Variants in SHH observed in about 807,000 individuals in gnomAD.
SHH encodes sonic hedgehog protein.
SHH carries 3 observed loss-of-function variants against 16.6 expected under a neutral mutation model. The ratio of observed to expected loss-of-function variants is 0.18; its 90% CI spans 0.08 to 0.47. SHH has a LOEUF of 0.47. Ranked by LOEUF, SHH falls within the 20% of genes least tolerant of loss-of-function variation. The pLI, the probability that SHH is intolerant of heterozygous loss-of-function variation, is 0.98. For missense variants in SHH, 499 were observed against 665.0 expected, an observed-to-expected ratio of 0.75 and a Z score of 2.75; for synonymous variants, 351 against 316.2, an observed-to-expected ratio of 1.11 and a Z score of -1.17.
chr7:155,803,233 G>T lies in SHH; in HGVS notation c.1056C>A (p.Gly352=). 1 of 1,519,898 alleles carries T rather than the reference G, an allele frequency of 6.6e-7. No individual in the cohort carries two copies. Among genetic ancestry groups the T allele is most frequent in the East Asian group, 2.7e-5 (1 of 36,756 alleles). 94.2% of individuals were successfully genotyped at this position (1,519,898 alleles called of 1,614,324 possible). ...AGAYAPLTAQ[G]TILINRVLAS... Reference sequence around the variant, plus strand: ...CCAGCACCCGGTTGATGAGAATGGTGCCCTGGGCCGTGAGCGGCGCGTAGG... The same window carrying T: ...CCAGCACCCGGTTGATGAGAATGGTTCCCTGGGCCGTGAGCGGCGCGTAGG... The change falls in exon 3 of 3, where the codon GGC becomes GGA. Residue 352 remains glycine, a synonymous_variant. Transcript: ENST00000297261.
chr7:155,803,017 CGGAG>C lies in SHH; in HGVS notation c.1268_1271del (p.Ala423GlyfsTer19). ...GGATGCCCGCGGTGGCCCCCGCACCCGGAGCGTCGGCAGCACCTGGAGCGGTTAG... is the reference window on the plus strand; with the variant it reads ...GGATGCCCGCGGTGGCCCCCGCACCCCGTCGGCAGCACCTGGAGCGGTTAG... On this transcript the variant is annotated frameshift_variant, in exon 3 of 3. Coordinates refer to ENST00000297261, the MANE Select transcript of SHH (RefSeq NM_000193.4). LOFTEE classifies it low-confidence loss of function (END_TRUNC). The C allele has an allele frequency of 6.5e-7, 1 of 1,548,996 alleles. No individual in the cohort carries two copies. The highest frequency in any genetic ancestry group is 8.7e-7 in the Non-Finnish European group (1 of 1,148,954).
chr7:155,806,879 C>T, intron 1 of SHH: 1 of 457,410 alleles, frequency 2.2e-6, no homozygotes. Flanking sequence ...AAGTGACCTG[C>T]ATGTTTAAGA....
chr7:155,810,956 G>GGA (rs1477763163), intron 1 of SHH, among the ~76,000 whole-genome samples: 1 of 152,158 alleles, frequency 6.6e-6, no homozygotes, highest in African/African-American at 2.4e-5. Flanking sequence ...AAGGAGGTGG[G>GGA]GAGAGAGAGA....
At chr7:155,805,451 G>A (rs1233553) in intron 2 of SHH, among the ~76,000 whole-genome samples, 145,055 of 152,322 alleles carry the variant, frequency 0.95, 69,164 homozygotes, top group East Asian at 1. Context: ...AAGTAGGGAA[G>A]CCTGGAAGGG....
At chr7:155,803,966 G>T (rs1455221861) in intron 2 of SHH, among the ~76,000 whole-genome samples, 1 of 152,132 alleles carries the variant, frequency 6.6e-6, no homozygotes, top group African/African-American at 2.4e-5. Context: ...TGGGCTGGCG[G>T]TCACAGAGGT....
In SHH at chr7:155,806,452, C is replaced by T; in HGVS notation, c.406G>A (p.Glu136Lys). Residue 136 changes from glutamate (E) to lysine (K), a missense_variant, in exon 2 of 3, where the codon GAG becomes AAG. Glu to Lys is a moderately conservative substitution (Grantham distance 56). Transcript: ENST00000297261. Reference protein sequence around the residue: ...EGWDEDGHHSEESLHYEGRAV... With the variant: ...EGWDEDGHHSKESLHYEGRAV... ...CGGCCCTCGTAGTGCAGAGACTCCTCTGAGTGGTGGCCATCTTCGTCCCAG... is the reference window on the plus strand; with the variant it reads ...CGGCCCTCGTAGTGCAGAGACTCCTTTGAGTGGTGGCCATCTTCGTCCCAG... 2 of 1,613,898 alleles carry T rather than the reference C, an allele frequency of 1.2e-6. No individual in the cohort carries two copies. The highest frequency in any genetic ancestry group is 2.2e-5 in the East Asian group (1 of 44,888).
chr7:155,803,015 C>T lies in SHH; in HGVS notation c.1274G>A (p.Gly425Asp), dbSNP rs562587149. ...GTGGATGCCCGCGGTGGCCCCCGCA[C>T]CCGGAGCGTCGGCAGCACCTGGAGC... ...LTAPGAADAP[G>D]AGATAGIHWY... is the part of the protein sequence containing the mutation. The change falls in exon 3 of 3, where the codon GGT (glycine) becomes GAT (aspartate). Residue 425 changes from glycine (G) to aspartate (D), a missense_variant. This residue lies in a region of SHH where 299 missense variants were observed against 301.1 expected (regional missense o/e 0.99). Coordinates refer to ENST00000297261, the MANE Select transcript of SHH (RefSeq NM_000193.4). 5 of 1,555,036 alleles carry T rather than the reference C, an allele frequency of 3.2e-6. No homozygotes were observed. Among genetic ancestry groups the T allele is most frequent in the Admixed American group, 1.9e-5 (1 of 53,600 alleles).
chr7:155,803,825 C>G (rs984889856), intron 2 of SHH, 99 bp from the exon 3 acceptor site: 14 of 1,100,966 alleles, frequency 1.3e-5, no homozygotes, highest in Non-Finnish European at 1.7e-5. Flanking sequence ...TGCCCGCGCT[C>G]CTAGGCCAGG....
At chr7:155,806,776 C>T in intron 1 of SHH, 1 of 677,996 alleles carries the variant, frequency 1.5e-6, no homozygotes, top group East Asian at 2.7e-5. Flanking sequence ...AGGAGCACGT[C>T]CTCTCAGGGT....
At chr7:155,806,943 A>AC in intron 1 of SHH, 7 of 244,898 alleles carry the variant, frequency 2.9e-5, no homozygotes, top group East Asian at 9.3e-5. Context: ...CCCCGCCCCC[A>AC]CGTTGCCCTC....
At chr7:155,804,701 C>T (rs1803303102) in intron 2 of SHH, among the ~76,000 whole-genome samples, 3 of 152,236 alleles carry the variant, frequency 2.0e-5, no homozygotes, top group Admixed American at 2.0e-4. Context: ...CCCTTGACTA[C>T]CCGCTTTCTC....
chr7:155,802,875 GCGCCCCTCCCC>G lies in SHH; in HGVS notation c.*14_*24del. 1 of 236,296 alleles carries G rather than the reference GCGCCCCTCCCC, an allele frequency of 4.2e-6. No homozygotes were observed. The highest frequency in any genetic ancestry group is 6.0e-6 in the Non-Finnish European group (1 of 166,412). 14.6% of individuals were successfully genotyped at this position (236,296 alleles called of 1,614,324 possible). ...TTGCTGCCCCGCCCCGCCCCCTCCC[GCGCCCCTCCCC>G]CGGCCCCCCGGCTTCAGCTGGACTT... On this transcript the variant is annotated 3_prime_UTR_variant, in exon 3 of 3. Coordinates refer to ENST00000297261, the MANE Select transcript of SHH (RefSeq NM_000193.4).
Position 155,800,171 on chromosome 7 carries a change from G to C in SHH, c.*2729C>G, listed in dbSNP as rs553158506. 20 of 471,192 alleles carry C rather than the reference G, an allele frequency of 4.2e-5. No individual in the cohort carries two copies. Among genetic ancestry groups the C allele is most frequent in the Non-Finnish European group, 7.0e-5 (16 of 227,118 alleles). 29.2% of individuals were successfully genotyped at this position (471,192 alleles called of 1,614,324 possible). A position where few individuals can be genotyped will look rare whatever the true frequency, so the allele number is the denominator to read the frequency against. On this transcript the variant is annotated 3_prime_UTR_variant, in exon 3 of 3. Coordinates refer to ENST00000297261, the MANE Select transcript of SHH (RefSeq NM_000193.4). ...ACCCTGAATGAGAAGTCGGCGCCTC[G>C]TCCTGGCGGGGCTGGGCTGCACCCT... is the stretch of plus-strand genomic sequence containing the variant.
At chr7:155,811,756 G>A in intron 1 of SHH, 67 bp downstream of exon 1, 1 of 1,478,828 alleles carries the variant, frequency 6.8e-7, no homozygotes, top group Non-Finnish European at 9.5e-7. Flanking sequence ...GTTAAGTCTG[G>A]AAGTGTTCGG....
chr7:155,811,909 G>C lies in SHH; in HGVS notation c.214C>G (p.Arg72Gly). Residue 72 changes from arginine (R) to glycine (G), a missense_variant, in exon 1 of 3, where the codon CGA (arginine) becomes GGA (glycine). By Grantham distance (125) the Arg-to-Gly change is moderately radical. Coordinates refer to ENST00000297261, the MANE Select transcript of SHH (RefSeq NM_000193.4). ...TAATTGGGGGTGAGTTCCTTAAATC[G>C]CTCGGAGTTTCTGGAGATCTTCCCT... is the stretch of plus-strand genomic sequence containing the variant. ...YEGKISRNSE[R>G]FKELTPNYNP... is the part of the protein sequence containing the mutation. 1 of 1,614,052 alleles carries C rather than the reference G, an allele frequency of 6.2e-7. No individual in the cohort carries two copies. The highest frequency in any genetic ancestry group is 8.5e-7 in the Non-Finnish European group (1 of 1,179,974).
chr7:155,808,619 TGGC>T (rs1803428987), intron 1 of SHH, among the ~76,000 whole-genome samples: 1 of 152,154 alleles, frequency 6.6e-6, no homozygotes, highest in Non-Finnish European at 1.5e-5. Flanking sequence ...CGGCCTCGGC[TGGC>T]GGCCTCTCCT....
Position 155,803,684 on chromosome 7 carries a change from G to A in SHH, c.605C>T (p.Ser202Leu), listed in dbSNP as rs1473100698. 5 of 1,597,628 alleles carry A rather than the reference G, an allele frequency of 3.1e-6. No homozygotes were observed. Among genetic ancestry groups the A allele is most frequent in the Non-Finnish European group, 3.4e-6 (4 of 1,179,366 alleles). ...AAKSGGCFPG[S>L]ATVHLEQGGT... The stretch of plus-strand genomic sequence containing the variant: ...GCCCTGCTCCAGGTGCACCGTGGCC[G>A]AGCCCGGGAAGCAGCCTCCCGATTT... The change falls in exon 3 of 3, where the codon TCG becomes TTG. Residue 202 changes from serine (S) to leucine (L), a missense_variant. Around this residue, in one of 4 missense-constraint regions of SHH, gnomAD observed 114 missense variants for 200.4 expected, o/e 0.57. Coordinates refer to ENST00000297261, the MANE Select transcript of SHH (RefSeq NM_000193.4).
Position 155,800,504 on chromosome 7 carries a change from C to T in SHH, c.*2396G>A, listed in dbSNP as rs1159719030. 1 of 468,614 alleles carries T rather than the reference C, an allele frequency of 2.1e-6. No individual in the cohort carries two copies. Among genetic ancestry groups the T allele is most frequent in the Admixed American group, 2.4e-5 (1 of 42,434 alleles). 29.0% of individuals were successfully genotyped at this position (468,614 alleles called of 1,614,324 possible). ...GGCTTCTCTCTGATCGTCTGGGCTG[C>T]ACGGCCACATTGCCAGGTCTGTCTA... On this transcript the variant is annotated 3_prime_UTR_variant, in exon 3 of 3. Transcript: ENST00000297261.
In SHH at chr7:155,801,040, C is replaced by T. The variant is rs1166173197; in HGVS notation, c.*1860G>A. On this transcript the variant is annotated 3_prime_UTR_variant, in exon 3 of 3. Transcript: ENST00000297261. ...AGCCAAAGAACTGGGAGTAGTCCTC[C>T]ACCTGGGACCCTGACAACCGCCAAG... 5.9e-6 allele frequency: 1 copy of T among 170,654 alleles called. No homozygotes were observed. Among genetic ancestry groups the T allele is most frequent in the Non-Finnish European group, 1.3e-5 (1 of 78,910 alleles). The allele number at this position is 170,654 out of a possible 1,614,324, so 10.6% of individuals were successfully genotyped here.
Sources: gnomAD v4.1 joint callset for allele counts (sites outside exome capture counted in the v4.1 genomes callset) on GRCh38, gnomAD v4.1.1 for gene constraint, gnomAD v4.1.1 regional missense constraint, MANE v1.5 for transcripts, NCBI Gene and HGNC (gene_info 2026-07-23, HGNC 2026-07-21) for gene names.